The following WDFY4 variants were observed in gnomAD, a reference collection of about 807,000 sequenced individuals.
The protein encoded by WDFY4 is WDFY family member 4, also known as WD repeat- and FYVE domain-containing protein 4.
WDFY4 carries 169 observed loss-of-function variants against 351.9 expected under a neutral mutation model. The observed-to-expected ratio is 0.48, with a 90% confidence interval of 0.42 to 0.55. The LOEUF (loss-of-function observed/expected upper bound fraction) is 0.55. Among genes scored for constraint, WDFY4 ranks in the 20% least tolerant of loss-of-function variants. WDFY4 has a pLI of 0.00. For synonymous variants in WDFY4, 1,622 were observed against 1,574.6 expected, an observed-to-expected ratio of 1.03 and a Z score of -0.71; for missense variants, 3,803 against 3,935.6, an observed-to-expected ratio of 0.97 and a Z score of 0.90.
At chr10:48,823,166 C>A (rs2067881496) in intron 35 of WDFY4, 3 of 1,285,368 alleles carry the variant, frequency 2.3e-6, no homozygotes, top group Non-Finnish European at 2.0e-6. Flanking sequence ...TTGAAAGAGA[C>A]CTTTTTTTTT....
chr10:48,781,648 G>T, intron 19 of WDFY4, among the ~76,000 whole-genome samples: 1 of 152,122 alleles, frequency 6.6e-6, no homozygotes, highest in East Asian at 1.9e-4. Flanking sequence ...TCAAAACATA[G>T]TTAACCTTTT....
At chr10:48,694,844 C>T (rs888402544) in intron 1 of WDFY4, among the ~76,000 whole-genome samples, 11 of 152,132 alleles carry the variant, frequency 7.2e-5, no homozygotes, top group African/African-American at 2.7e-4. Flanking sequence ...ACCATATGTC[C>T]TAAGAAGACC....
intron 39 of WDFY4, among the ~76,000 whole-genome samples, chr10:48,835,895 A>G (rs2133090654): frequency 1.3e-5 from 2 of 152,364 alleles, no homozygotes; most frequent in South Asian, 4.1e-4. Context: ...GCTTAGCAAC[A>G]TCTTGTACTG....
chr10:48,788,811 C>A, intron 21 of WDFY4, 136 bp downstream of exon 21: 1 of 1,232,166 alleles, frequency 8.1e-7, no homozygotes, highest in South Asian at 1.8e-5. Flanking sequence ...TTTCCCACTT[C>A]ATTTGTTAAA....
intron 44 of WDFY4, among the ~76,000 whole-genome samples, chr10:48,895,052 G>C (rs1301355136): frequency 6.6e-6 from 1 of 152,202 alleles, no homozygotes. Flanking sequence ...AGAGGGCCTG[G>C]GAGGGTTGTT....
Position 48,900,332 on chromosome 10 carries a change from G to T in WDFY4, c.7523+26G>T, listed in dbSNP as rs1159729208. 5 of 1,536,402 alleles carry T rather than the reference G, an allele frequency of 3.3e-6. No homozygotes were observed. The East Asian group carries it at 1.2e-4, about 38-fold the overall frequency. On this transcript the variant is annotated intron_variant, in intron 46 of 61. Coordinates refer to ENST00000325239, the MANE Select transcript of WDFY4 (RefSeq NM_001394531.1). ...GTAAGAGCTTGAAAATCCTCCTTCTGAGGAAACTGATCCTGAACTGAGAGC... is the reference window on the plus strand; with the variant it reads ...GTAAGAGCTTGAAAATCCTCCTTCTTAGGAAACTGATCCTGAACTGAGAGC...
intron 1 of WDFY4, among the ~76,000 whole-genome samples, chr10:48,689,125 A>G (rs181817207): frequency 1.3e-5 from 2 of 152,312 alleles, no homozygotes. Context: ...TAGGAGGGTA[A>G]GGAAAATGAA....
intron 12 of WDFY4, among the ~76,000 whole-genome samples, chr10:48,747,025 G>C (rs1226724060): frequency 6.6e-6 from 1 of 152,020 alleles, no homozygotes; most frequent in Non-Finnish European, 1.5e-5. Context: ...ATCTACTCTA[G>C]TACATCTGTT....
At chr10:48,741,919 T>G (rs1012530787) in intron 11 of WDFY4, among the ~76,000 whole-genome samples, 1 of 152,220 alleles carries the variant, frequency 6.6e-6, no homozygotes, top group African/African-American at 2.4e-5. Flanking sequence ...TGGAGTCCAA[T>G]GCAATTTATC....
intron 19 of WDFY4, among the ~76,000 whole-genome samples, chr10:48,784,850 CTTTTT>C (rs1255134626): frequency 1.2e-5 from 1 of 80,660 alleles, no homozygotes; most frequent in Non-Finnish European, 2.4e-5. Flanking sequence ...GCATCGTTTA[CTTTTT>C]TTTTTTTTTT....
rs114460676 is a variant in WDFY4 at position 48,785,903 on chromosome 10, T to G, written c.3577-736T>G. Among the ~76,000 whole-genome samples the G allele has an allele frequency of 4.2e-3, 637 of 152,240 alleles. 2 individuals carry two copies. The highest frequency in any genetic ancestry group is 0.014 in the African/African-American group (601 of 41,552). On this transcript the variant is annotated intron_variant, in intron 19 of 61. Coordinates refer to ENST00000325239, the MANE Select transcript of WDFY4 (RefSeq NM_001394531.1). ...GAATTCTGATAGTCTACAAAAAACC[T>G]TTCTGGAATTGCATTATACTTACTG...
At chr10:48,759,469 C>T (rs952177089) in intron 12 of WDFY4, among the ~76,000 whole-genome samples, 1 of 152,162 alleles carries the variant, frequency 6.6e-6, no homozygotes, top group African/African-American at 2.4e-5. Flanking sequence ...GGAATTTTAC[C>T]TACACTCTTG....
chr10:48,818,770 T>C (rs1217019609), intron 32 of WDFY4, among the ~76,000 whole-genome samples: 1 of 152,200 alleles, frequency 6.6e-6, no homozygotes, highest in Non-Finnish European at 1.5e-5. Context: ...TTGAAATAGT[T>C]TGATGAATTC....
At chr10:48,773,228 G>T (rs973332138) in intron 13 of WDFY4, among the ~76,000 whole-genome samples, 1 of 152,216 alleles carries the variant, frequency 6.6e-6, no homozygotes, top group African/African-American at 2.4e-5. Context: ...ATTGTGGAGG[G>T]CAGTTCTGCA....
At chr10:48,752,066 C>A (rs553100108) in intron 12 of WDFY4, among the ~76,000 whole-genome samples, 1 of 152,184 alleles carries the variant, frequency 6.6e-6, no homozygotes, top group Non-Finnish European at 1.5e-5. Context: ...AGATACAAGC[C>A]GTCTGGGAAC....
Position 48,778,774 on chromosome 10 carries a change from C to G in WDFY4, c.3339C>G (p.Leu1113=). The G allele has an allele frequency of 1.3e-6, 2 of 1,551,674 alleles. No homozygotes were observed. The highest frequency in any genetic ancestry group is 1.7e-6 in the Non-Finnish European group (2 of 1,147,028). ...EQPFVCFSVS[L]CPDDLSLVVS... ...CCTTTGTTTGCTTCTCCGTCAGCCT[C>G]TGCCCAGACGACCTCTCCTTGGTTG... The change falls in exon 18 of 62, where the codon CTC becomes CTG. Residue 1113 remains leucine (L), a synonymous_variant. Coordinates refer to ENST00000325239, the MANE Select transcript of WDFY4 (RefSeq NM_001394531.1).
intron 39 of WDFY4, among the ~76,000 whole-genome samples, chr10:48,856,034 G>T (rs1326866626): frequency 6.6e-6 from 1 of 152,096 alleles, no homozygotes. Context: ...GGTAAGGAGA[G>T]ACTATTGTAA....
intron 15 of WDFY4, 150 bp from the exon 16 acceptor site, chr10:48,776,600 G>T: frequency 1.3e-6 from 1 of 757,488 alleles, no homozygotes; most frequent in South Asian, 2.0e-5. Context: ...CTGGGGGCCA[G>T]GGAGCCACCC....
At chr10:48,786,439 C>T (rs1190385758) in intron 19 of WDFY4, among the ~76,000 whole-genome samples, 200 bp from the exon 20 acceptor site, 1 of 152,172 alleles carries the variant, frequency 6.6e-6, no homozygotes. Flanking sequence ...TTCAAAAGGA[C>T]AGTATCAGTT....
Sources: allele counts gnomAD v4.1 joint callset (sites outside exome capture counted in the v4.1 genomes callset), GRCh38; gene constraint gnomAD v4.1.1; transcripts MANE v1.5; gene names NCBI Gene and HGNC (gene_info 2026-07-23, HGNC 2026-07-21).